Variants in WWOX observed in about 807,000 individuals in gnomAD.
The protein encoded by WWOX is WW domain-containing oxidoreductase.
Under a neutral mutation model 46.2 loss-of-function variants are expected in WWOX, and 69 were observed. The observed-to-expected ratio is 1.49, with a 90% CI of 1.23 to 1.82. The LOEUF is 1.82. Ranked by LOEUF, WWOX falls within the 40% of genes most tolerant of loss-of-function variation. The pLI, the probability that WWOX is intolerant of heterozygous loss-of-function variation, is 0.00. For missense variants in WWOX, 919 were observed against 542.6 expected (o/e 1.69, Z -6.89); for synonymous variants, 359 against 202.6 (o/e 1.77, Z -6.56).
chr16:78,326,819 T>C (rs1227337749), intron 5 of WWOX, among the ~76,000 whole-genome samples: 1 of 152,126 alleles, frequency 6.6e-6, no homozygotes, highest in Non-Finnish European at 1.5e-5. Flanking sequence ...AACATGCTTA[T>C]TTTAGGAAAT....
At chr16:79,186,177 G>C (rs936635092) in intron 8 of WWOX, among the ~76,000 whole-genome samples, 9 of 152,158 alleles carry the variant, frequency 5.9e-5, no homozygotes, top group African/African-American at 1.9e-4. Context: ...TGGGGTGGCT[G>C]AGAAGAGACA....
chr16:78,524,994 T>C (rs1278176603), intron 8 of WWOX, among the ~76,000 whole-genome samples: 1 of 150,314 alleles, frequency 6.7e-6, no homozygotes, highest in Non-Finnish European at 1.5e-5. Context: ...GCCTCCTGAG[T>C]AGCTGGAATT....
intron 8 of WWOX, among the ~76,000 whole-genome samples, chr16:78,958,900 T>G (rs1297503048): frequency 1.3e-5 from 2 of 152,186 alleles, no homozygotes; most frequent in Admixed American, 6.5e-5. Flanking sequence ...CTCCATAGGG[T>G]GAGCATAGCT....
chr16:78,716,932 C>G (rs1490497156), intron 8 of WWOX, among the ~76,000 whole-genome samples: 3 of 152,174 alleles, frequency 2.0e-5, no homozygotes, highest in African/African-American at 7.2e-5. Context: ...AGGGCATATC[C>G]TGCCCCCTTT....
intron 8 of WWOX, among the ~76,000 whole-genome samples, chr16:78,879,444 A>T (rs891217284): frequency 6.6e-6 from 1 of 152,052 alleles, no homozygotes; most frequent in Non-Finnish European, 1.5e-5. Context: ...ATACTTTTTC[A>T]GGATCTGCTC....
intron 8 of WWOX, among the ~76,000 whole-genome samples, chr16:79,120,398 G>T (rs776236019): frequency 3.3e-5 from 5 of 152,172 alleles, no homozygotes; most frequent in African/African-American, 4.8e-5. Flanking sequence ...TGGGCAATGT[G>T]GCCCTTTCTG....
intron 8 of WWOX, among the ~76,000 whole-genome samples, chr16:79,163,167 A>T (rs2050520626): frequency 6.6e-6 from 1 of 152,078 alleles, no homozygotes; most frequent in African/African-American, 2.4e-5. Flanking sequence ...ATGCTGGGGG[A>T]GACACTGTGT....
At chr16:78,358,521 G>C (rs2151911636) in intron 5 of WWOX, among the ~76,000 whole-genome samples, 1 of 152,212 alleles carries the variant, frequency 6.6e-6, no homozygotes, top group African/African-American at 2.4e-5. Flanking sequence ...AGCTGGGTGT[G>C]GTGGCACATG....
At chr16:78,963,684 T>A (rs377019516) in intron 8 of WWOX, among the ~76,000 whole-genome samples, 3 of 152,318 alleles carry the variant, frequency 2.0e-5, no homozygotes, top group African/African-American at 7.2e-5. Flanking sequence ...GTATGGACTT[T>A]CTGCCAGACA....
intron 8 of WWOX, among the ~76,000 whole-genome samples, chr16:78,738,854 T>C (rs978420579): frequency 3.3e-5 from 5 of 152,166 alleles, no homozygotes; most frequent in Non-Finnish European, 7.3e-5. Flanking sequence ...AGATAGAGAT[T>C]GTCCCTTAAG....
At chr16:78,608,139 C>T (rs2151626686) in intron 8 of WWOX, among the ~76,000 whole-genome samples, 1 of 152,244 alleles carries the variant, frequency 6.6e-6, no homozygotes, top group Admixed American at 6.5e-5. Flanking sequence ...GCCTGAAACC[C>T]AGAGAGGTCG....
chr16:78,474,088 C>T lies in WWOX; in HGVS notation c.1056+41336C>T, dbSNP rs114151638. Among the ~76,000 whole-genome samples, 291 of 152,336 alleles carry T rather than the reference C, an allele frequency of 1.9e-3. 1 individual carries two copies. The highest frequency in any genetic ancestry group is 6.8e-3 in the African/African-American group (281 of 41,578). On this transcript the variant is annotated intron_variant, in intron 8 of 8. Coordinates refer to ENST00000566780, the MANE Select transcript of WWOX (RefSeq NM_016373.4). ...ACATTGAGGACGTCTTCTTTTATAA[C>T]AGCTCTAGGTCTTGCCTGTTAAGCA...
chr16:78,519,033 T>A (rs911512618), intron 8 of WWOX, among the ~76,000 whole-genome samples: 2 of 152,226 alleles, frequency 1.3e-5, no homozygotes, highest in Admixed American at 6.5e-5. Flanking sequence ...AGTTTTTGTT[T>A]AGCTGTTTTT....
At chr16:79,174,418 G>A (rs1049038659) in intron 8 of WWOX, among the ~76,000 whole-genome samples, 8 of 152,186 alleles carry the variant, frequency 5.3e-5, no homozygotes, top group South Asian at 2.1e-4. Context: ...GGAGGCTGAG[G>A]CAGGTGGATC....
At chr16:78,359,204 C>G (rs1190389568) in intron 5 of WWOX, among the ~76,000 whole-genome samples, 1 of 152,258 alleles carries the variant, frequency 6.6e-6, no homozygotes, top group African/African-American at 2.4e-5. Flanking sequence ...GTATTACTTG[C>G]TAGGTGAGCT....
chr16:78,162,276 T>C (rs1197297440), intron 4 of WWOX, among the ~76,000 whole-genome samples: 1 of 152,234 alleles, frequency 6.6e-6, no homozygotes, highest in Non-Finnish European at 1.5e-5. Flanking sequence ...TTCCATCATT[T>C]TCCTGAGAGG....
chr16:78,844,138 G>A (rs1024347127), intron 8 of WWOX, among the ~76,000 whole-genome samples: 2 of 152,080 alleles, frequency 1.3e-5, no homozygotes, highest in South Asian at 2.1e-4. Flanking sequence ...GAAATCTATC[G>A]TATTTGTTTA....
chr16:78,622,594 G>T (rs536067029), intron 8 of WWOX, among the ~76,000 whole-genome samples: 2 of 151,776 alleles, frequency 1.3e-5, no homozygotes, highest in Admixed American at 6.6e-5. Flanking sequence ...TTGACAGATG[G>T]ACCCTAAGAC....
chr16:78,572,333 A>T (rs375320084), intron 8 of WWOX, among the ~76,000 whole-genome samples: 7 of 152,208 alleles, frequency 4.6e-5, no homozygotes, highest in African/African-American at 1.7e-4. Flanking sequence ...AGTGGCCCAC[A>T]CCTGTAATGC....
Sources: allele counts gnomAD v4.1 joint callset (sites outside exome capture counted in the v4.1 genomes callset), GRCh38; gene constraint gnomAD v4.1.1; transcripts MANE v1.5; gene names NCBI Gene and HGNC (gene_info 2026-07-23, HGNC 2026-07-21).